ILK: variants seen among roughly 807,000 people sequenced by gnomAD.
The protein encoded by ILK is scaffold protein ILK.
A neutral mutation model predicts 57.8 loss-of-function variants in ILK; 37 were observed. The ratio of observed to expected loss-of-function variants is 0.64; its 90% CI spans 0.49 to 0.84. The LOEUF (loss-of-function observed/expected upper bound fraction) is 0.84, where lower values mean the gene tolerates loss of function less well. Ranked by LOEUF, ILK falls within the 40% of genes least tolerant of loss-of-function variation. The probability of loss-of-function intolerance (pLI) is 0.00; values close to 1 mark genes in which losing one functional copy is unlikely to be tolerated. For missense variants in ILK, 528 were observed against 595.7 expected (o/e 0.89, Z 1.18); for synonymous variants, 231 against 202.2 (o/e 1.14, Z -1.21).
Position 6,609,301 on chromosome 11 carries a change from ATGGAAGGGCCGC to A in ILK, c.625_636del (p.Lys209_Trp212del). ...CCTAACCCCTACCTGTCCTGCAGCT[ATGGAAGGGCCGC>A]TGGCAGGGCAATGACATTGTCGTGA... On this transcript the variant is annotated inframe_deletion, in exon 8 of 13. Transcript: ENST00000299421. 6.2e-7 allele frequency: 1 copy of A among 1,613,886 alleles called. No homozygotes were observed.
intron 2 of ILK, chr11:6,607,796 TGA>T: frequency 1.9e-6 from 1 of 525,756 alleles, no homozygotes; most frequent in Admixed American, 3.2e-5. Context: ...CCTAAGGAAA[TGA>T]GATGTGGGAT....
At chr11:6,604,615 G>T (rs937980874) in intron 2 of ILK, 1 of 590,520 alleles carries the variant, frequency 1.7e-6, no homozygotes, top group South Asian at 1.9e-5. Context: ...AAGGCTAGGG[G>T]GCAAGGCACA....
At chr11:6,607,242 ATTGTT>A (rs1450934814) in intron 2 of ILK, 5 of 152,102 alleles carry the variant, frequency 3.3e-5, no homozygotes, top group African/African-American at 4.8e-5. Flanking sequence ...CTCCAAACCA[ATTGTT>A]TTGTTTTGTT....
chr11:6,609,174 TG>T lies in ILK; in HGVS notation c.618+19del, dbSNP rs778703652. 73 of 1,609,880 alleles carry T rather than the reference TG, an allele frequency of 4.5e-5. No individual in the cohort carries two copies. Among genetic ancestry groups the T allele is most frequent in the Non-Finnish European group, 5.5e-5 (65 of 1,176,258 alleles). On this transcript the variant is annotated intron_variant, in intron 7 of 12. Coordinates refer to ENST00000299421, the MANE Select transcript of ILK (RefSeq NM_004517.4). Reference sequence around the variant, plus strand: ...CTGGAGAGGTGACCCCTGCCCTTCTTGCCCTTCCCTCACTAAACCCCCATAA... The same window carrying T: ...CTGGAGAGGTGACCCCTGCCCTTCTTCCCTTCCCTCACTAAACCCCCATAA...
chr11:6,606,897 A>T (rs1854967169), intron 2 of ILK: 1 of 152,220 alleles, frequency 6.6e-6, no homozygotes, highest in Non-Finnish European at 1.5e-5. Context: ...CCAACTGATA[A>T]ACAGGGGGCG....
At position 6,609,394 on chromosome 11, in the gene ILK, G is replaced by A. The variant is rs1346943702; in HGVS notation, c.714G>A (p.Glu238=). The A allele has an allele frequency of 1.1e-5, 18 of 1,614,018 alleles. No homozygotes were observed. The highest frequency in any genetic ancestry group is 1.5e-5 in the Non-Finnish European group (18 of 1,179,982). Residue 238 remains glutamate (E), a synonymous_variant, in exon 8 of 13, where the codon GAG becomes GAA. Transcript: ENST00000299421. The part of the protein sequence containing the change: ...STRKSRDFNE[E]CPRLRIFSHP... The stretch of plus-strand genomic sequence containing the variant: ...GGAAGAGCAGGGACTTCAATGAAGA[G>A]TGTCCCCGGCTCAGGTAGTGCAAGG...
chr11:6,604,461 A>AGT (rs776899113), intron 2 of ILK, 101 bp downstream of exon 2: 7 of 996,770 alleles, frequency 7.0e-6, no homozygotes, highest in Non-Finnish European at 9.3e-6. Flanking sequence ...TTTGCTAGCC[A>AGT]GTGTAATGAG....
Position 6,608,965 on chromosome 11 carries a change from C to A in ILK, c.530C>A (p.Pro177His). ...TFWKGTTRTRPRNGTLNKHSG... is the reference protein window; with the variant it reads ...TFWKGTTRTRHRNGTLNKHSG... ...TGGAAGGGGACCACCCGCACTCGGCCCCGTGAGTCACCACTGTGGGAAGAA... is the reference window on the plus strand; with the variant it reads ...TGGAAGGGGACCACCCGCACTCGGCACCGTGAGTCACCACTGTGGGAAGAA... The change falls in exon 6 of 13, where the codon CCC becomes CAC. Residue 177 changes from proline to histidine, a missense_variant and splice_region_variant. Pro to His is a moderately conservative substitution (Grantham distance 77). Transcript: ENST00000299421. The surrounding 1 kb of genome is among the most constrained non-coding windows in gnomAD (Gnocchi z 4.9). 1 of 1,614,106 alleles carries A rather than the reference C, an allele frequency of 6.2e-7. No homozygotes were observed. The highest frequency in any genetic ancestry group is 8.5e-7 in the Non-Finnish European group (1 of 1,179,946).
chr11:6,610,671 TC>T lies in ILK; in HGVS notation c.*64del. On this transcript the variant is annotated 3_prime_UTR_variant, in exon 13 of 13. Coordinates refer to ENST00000299421, the MANE Select transcript of ILK (RefSeq NM_004517.4). ...CGGGACATGGTTGGGGGAATGCACCTCCCCAAAGCAGCAGGCCTCTGGTTGC... is the reference window on the plus strand; with the variant it reads ...CGGGACATGGTTGGGGGAATGCACCTCCCAAAGCAGCAGGCCTCTGGTTGC... The T allele has an allele frequency of 6.2e-7, 1 of 1,600,544 alleles. No homozygotes were observed. Among genetic ancestry groups the T allele is most frequent in the Non-Finnish European group, 8.6e-7 (1 of 1,168,768 alleles).
chr11:6,603,977 G>C (rs1854561485), intron 1 of ILK, 155 bp downstream of exon 1: 1 of 541,616 alleles, frequency 1.8e-6, no homozygotes, highest in South Asian at 2.1e-5. Context: ...TTCGCGGATA[G>C]GGTCTAGTTG....
At chr11:6,605,323 AGGTCAGGGGACAGG>A (rs555863692) in intron 2 of ILK, among the ~76,000 whole-genome samples, 79 of 152,252 alleles carry the variant, frequency 5.2e-4, no homozygotes, top group Admixed American at 2.2e-3. Flanking sequence ...GGAAGGCAAG[AGGTCAGGGGACAGG>A]AAGCCTGCAC....
At position 6,608,876 on chromosome 11, in the gene ILK, T is replaced by G. The variant is rs1402942494; in HGVS notation, c.449-8T>G. The G allele has an allele frequency of 6.2e-7, 1 of 1,614,058 alleles. No individual in the cohort carries two copies. The highest frequency in any genetic ancestry group is 8.5e-7 in the Non-Finnish European group (1 of 1,180,002). ...TGTACCACAGCTTAGGTTGTTTTTC[T>G]TCCCTAGAGCGGGCAGAGAAGATGG... On this transcript the variant is annotated splice_region_variant and splice_polypyrimidine_tract_variant and intron_variant, in intron 5 of 12. Coordinates refer to ENST00000299421, the MANE Select transcript of ILK (RefSeq NM_004517.4). This position sits in a 1 kb window ranked among gnomAD's most constrained non-coding sequence, Gnocchi z 4.9.
intron 12 of ILK, 80 bp downstream of exon 12, chr11:6,610,358 C>T: frequency 6.2e-7 from 1 of 1,612,768 alleles, no homozygotes; most frequent in Non-Finnish European, 8.5e-7. Context: ...CTTGGCTCCT[C>T]ACATATTTGT....
intron 2 of ILK, chr11:6,606,448 T>C (rs969165418): frequency 6.6e-6 from 1 of 152,196 alleles, no homozygotes; most frequent in African/African-American, 2.4e-5. Flanking sequence ...ATTTGTTCCA[T>C]TTTTCATATA....
intron 2 of ILK, chr11:6,606,412 A>G (rs545091022): frequency 1.3e-5 from 2 of 152,262 alleles, no homozygotes; most frequent in South Asian, 2.1e-4. Context: ...GTTCTACACT[A>G]TTTCTCTTTA....
At position 6,609,748 on chromosome 11, in the gene ILK, C is replaced by T; in HGVS notation, c.881C>T (p.Ala294Val). The T allele has an allele frequency of 7.4e-6, 12 of 1,614,178 alleles. No homozygotes were observed. The highest frequency in any genetic ancestry group is 1.0e-5 in the Non-Finnish European group (12 of 1,180,024). Residue 294 changes from alanine to valine, a missense_variant, in exon 10 of 13, where the codon GCT (alanine) becomes GTT (valine). Physicochemically the swap from Ala to Val is moderately conservative, Grantham distance 64. Transcript: ENST00000299421. ...GATTTCGTCGTGGACCAGAGCCAGG[C>T]TGTGAAGTTTGCTTTGGACATGGCA... Reference protein sequence around the residue: ...GTNFVVDQSQAVKFALDMARG... With the variant: ...GTNFVVDQSQVVKFALDMARG...
Position 6,608,567 on chromosome 11 carries a change from A to C in ILK, c.351+78A>C. On this transcript the variant is annotated intron_variant, in intron 4 of 12. Coordinates refer to ENST00000299421, the MANE Select transcript of ILK (RefSeq NM_004517.4). The surrounding 1 kb of genome is among the most constrained non-coding windows in gnomAD (Gnocchi z 4.9). ...TTGGTGGGAGATTTTGGAACCCTCA[A>C]CCCATTCTGTCAGTACTACTGTGTG... The C allele has an allele frequency of 7.2e-7, 1 of 1,391,110 alleles. No homozygotes were observed. The highest frequency in any genetic ancestry group is 1.0e-6 in the Non-Finnish European group (1 of 976,916). 86.2% of individuals were successfully genotyped at this position (1,391,110 alleles called of 1,614,324 possible). A position where few individuals can be genotyped will look rare whatever the true frequency, so the allele number is the denominator to read the frequency against.
At chr11:6,604,425 G>A in intron 2 of ILK, 65 bp downstream of exon 2, 1 of 1,410,520 alleles carries the variant, frequency 7.1e-7, no homozygotes, top group Non-Finnish European at 9.8e-7. Flanking sequence ...GGAGTGGAGT[G>A]CTCATGTCTG....
intron 2 of ILK, among the ~76,000 whole-genome samples, chr11:6,605,957 C>T (rs1038661598): frequency 2.0e-5 from 3 of 152,078 alleles, no homozygotes; most frequent in African/African-American, 2.4e-5. Flanking sequence ...TGGTGGATCA[C>T]GAGGTCAGGA....
Sources: allele counts gnomAD v4.1 joint callset (sites outside exome capture counted in the v4.1 genomes callset), GRCh38; gene constraint gnomAD v4.1.1; non-coding constraint Gnocchi (gnomAD v3.1); transcripts MANE v1.5; gene names NCBI Gene and HGNC (gene_info 2026-07-23, HGNC 2026-07-21).